The following TDRD3 variants were observed in gnomAD, a reference collection of about 807,000 sequenced individuals.
TDRD3 encodes the protein tudor domain containing 3.
TDRD3 carries 45 observed loss-of-function variants against 86.7 expected under a neutral mutation model. The observed-to-expected ratio is 0.52, with a 90% CI of 0.41 to 0.67. The LOEUF (loss-of-function observed/expected upper bound fraction) is 0.67, where lower values mean the gene tolerates loss of function less well. TDRD3 is among the 30% of genes least tolerant of loss of function. The probability of loss-of-function intolerance (pLI) is 0.00; values close to 1 mark genes in which losing one functional copy is unlikely to be tolerated. For synonymous variants in TDRD3, 298 were observed against 301.7 expected, an observed-to-expected ratio of 0.99 and a Z score of 0.13; for missense variants, 814 against 889.0, an observed-to-expected ratio of 0.92 and a Z score of 1.07.
chr13:60,455,162 C>A (rs1246048224), intron 3 of TDRD3, among the ~76,000 whole-genome samples: 2 of 152,226 alleles, frequency 1.3e-5, no homozygotes, highest in East Asian at 3.8e-4. Flanking sequence ...ATCCGCCCAC[C>A]TCAGCCTCCC....
At chr13:60,472,639 A>G (rs1013807616) in intron 5 of TDRD3, among the ~76,000 whole-genome samples, 6 of 152,226 alleles carry the variant, frequency 3.9e-5, no homozygotes, top group Non-Finnish European at 5.9e-5. Context: ...TAGAATTACC[A>G]TATGATCCAT....
At chr13:60,560,046 G>C (rs1958297185) in intron 12 of TDRD3, among the ~76,000 whole-genome samples, 2 of 152,068 alleles carry the variant, frequency 1.3e-5, no homozygotes, top group Admixed American at 1.3e-4. Flanking sequence ...CCTCAATAAA[G>C]CAGAAAAAAT....
intron 4 of TDRD3, among the ~76,000 whole-genome samples, chr13:60,464,809 T>C (rs1165632370): frequency 6.6e-6 from 1 of 152,008 alleles, no homozygotes; most frequent in Admixed American, 6.6e-5. Context: ...GAGTGAGTGA[T>C]AAGGAGGGGT....
At chr13:60,475,564 A>G (rs924967632) in intron 5 of TDRD3, among the ~76,000 whole-genome samples, 2 of 152,176 alleles carry the variant, frequency 1.3e-5, no homozygotes, top group African/African-American at 4.8e-5. Context: ...AAACAAGTGC[A>G]TGTGTCTTAT....
chr13:60,563,976 G>T (rs772597266), intron 12 of TDRD3, among the ~76,000 whole-genome samples: 1 of 152,056 alleles, frequency 6.6e-6, no homozygotes, highest in Non-Finnish European at 1.5e-5. Context: ...TTTTGCATTG[G>T]TTTTTGTCTT....
chr13:60,491,182 A>T (rs142600061), intron 7 of TDRD3, among the ~76,000 whole-genome samples: 1 of 151,722 alleles, frequency 6.6e-6, no homozygotes, highest in Admixed American at 6.6e-5. Context: ...GGCAGGTTAG[A>T]GTTGCTTGCC....
intron 3 of TDRD3, among the ~76,000 whole-genome samples, chr13:60,453,797 G>C (rs1594951287): frequency 6.6e-6 from 1 of 152,128 alleles, no homozygotes; most frequent in East Asian, 1.9e-4. Flanking sequence ...CATTTCAGTA[G>C]AATAAATTAA....
chr13:60,496,233 G>A (rs1325513177), intron 8 of TDRD3, among the ~76,000 whole-genome samples: 9 of 140,968 alleles, frequency 6.4e-5, no homozygotes, highest in South Asian at 2.3e-4. Context: ...TCCTTGCTCC[G>A]TAGCCTGCAG....
intron 12 of TDRD3, among the ~76,000 whole-genome samples, chr13:60,557,003 G>A (rs1277447516): frequency 1.6e-4 from 24 of 152,014 alleles, no homozygotes; most frequent in Non-Finnish European, 3.5e-4. Context: ...TCGGGAGTTC[G>A]ATACCAGCCT....
intron 7 of TDRD3, among the ~76,000 whole-genome samples, chr13:60,490,067 T>TA (rs1956551024): frequency 6.7e-6 from 1 of 150,234 alleles, no homozygotes; most frequent in Non-Finnish European, 1.5e-5. Flanking sequence ...TTTTTTTTTT[T>TA]TTTTTACAGC....
chr13:60,504,416 C>T (rs1196992950), intron 8 of TDRD3, among the ~76,000 whole-genome samples: 1 of 152,186 alleles, frequency 6.6e-6, no homozygotes, highest in African/African-American at 2.4e-5. Flanking sequence ...CATCTAACTC[C>T]ATATGTCCCA....
intron 12 of TDRD3, among the ~76,000 whole-genome samples, chr13:60,560,806 G>A (rs190459290): frequency 1.3e-5 from 2 of 152,208 alleles, no homozygotes; most frequent in Non-Finnish European, 2.9e-5. Context: ...ACCACAATGG[G>A]ATGTCCCACA....
intron 1 of TDRD3, among the ~76,000 whole-genome samples, chr13:60,424,676 G>GA (rs1954756140): frequency 6.6e-6 from 1 of 152,022 alleles, no homozygotes; most frequent in South Asian, 2.1e-4. Flanking sequence ...AACTCTGTCT[G>GA]AAAAAATAAA....
chr13:60,566,079 TC>T (rs1010444540), intron 12 of TDRD3, among the ~76,000 whole-genome samples: 1 of 152,120 alleles, frequency 6.6e-6, no homozygotes, highest in Non-Finnish European at 1.5e-5. Flanking sequence ...GATAGGCCCC[TC>T]AGGATGATCA....
intron 13 of TDRD3, among the ~76,000 whole-genome samples, chr13:60,571,733 C>T (rs948641902): frequency 1.7e-4 from 26 of 152,036 alleles, no homozygotes; most frequent in Non-Finnish European, 3.4e-4. Context: ...TCCCCTTCCC[C>T]CAACCCTCCA....
chr13:60,450,360 A>T (rs1308982745), intron 3 of TDRD3, among the ~76,000 whole-genome samples: 2 of 152,182 alleles, frequency 1.3e-5, no homozygotes, highest in Non-Finnish European at 2.9e-5. Flanking sequence ...TATGTAACAA[A>T]TATTATCATA....
intron 10 of TDRD3, among the ~76,000 whole-genome samples, chr13:60,518,331 C>G (rs972308311): frequency 2.0e-5 from 3 of 152,212 alleles, no homozygotes; most frequent in African/African-American, 4.8e-5. Context: ...CATCTTAACA[C>G]TGGAGGCTCC....
At position 60,528,822 on chromosome 13, in the gene TDRD3, C is replaced by T. The variant is rs761576156; in HGVS notation, c.1597C>T (p.Arg533Cys). The change falls in exon 11 of 14, where the codon CGT (arginine) becomes TGT (cysteine). Residue 533 changes from arginine to cysteine, a missense_variant. Arg to Cys is a radical substitution (Grantham distance 180, BLOSUM62 -3). Coordinates refer to ENST00000377881, the MANE Select transcript of TDRD3 (RefSeq NM_001146070.2). ...ATCTGTAGATTATAATAATCAAAAA[C>T]GTGGAAAAAGAGAAAGCCAAACATC... Reference protein sequence around the residue: ...QGSVDYNNQKRGKRESQTSIP... With the variant: ...QGSVDYNNQKCGKRESQTSIP... The T allele has an allele frequency of 9.3e-5, 150 of 1,613,424 alleles. No individual in the cohort carries two copies. The highest frequency in any genetic ancestry group is 1.2e-4 in the Non-Finnish European group (138 of 1,179,846).
chr13:60,451,559 C>A (rs1955542513), intron 3 of TDRD3, among the ~76,000 whole-genome samples: 2 of 152,086 alleles, frequency 1.3e-5, no homozygotes, highest in Admixed American at 1.3e-4. Context: ...TTTCCCCTGT[C>A]CCTCTACCAG....
Sources: gnomAD v4.1 joint callset for allele counts (sites outside exome capture counted in the v4.1 genomes callset) on GRCh38, gnomAD v4.1.1 for gene constraint, MANE v1.5 for transcripts, NCBI Gene and HGNC (gene_info 2026-07-23, HGNC 2026-07-21) for gene names.